NDST4: variants seen among roughly 807,000 people sequenced by gnomAD.
NDST4 encodes N-heparan sulfate sulfotransferase 4.
In NDST4, 63 loss-of-function variants were observed where a neutral mutation model predicts 100.8. The ratio of observed to expected loss-of-function variants is 0.62; its 90% CI spans 0.51 to 0.77. NDST4 has a LOEUF of 0.77. Ranked by LOEUF, NDST4 falls within the 30% of genes least tolerant of loss-of-function variation. The probability of loss-of-function intolerance (pLI) is 0.00; values close to 1 mark genes in which losing one functional copy is unlikely to be tolerated. For missense variants in NDST4, 943 were observed against 1,018.4 expected, an observed-to-expected ratio of 0.93 and a Z score of 1.01; for synonymous variants, 377 against 361.8, an observed-to-expected ratio of 1.04 and a Z score of -0.48.
rs938283148 is a variant in NDST4 at position 114,845,679 on chromosome 4, T to C, written c.2115+144A>G. ...ACGAGTTAAATATACAGCTCATATT[T>C]CTCATATTTTTTGGTGGGGGTTGTG... On this transcript the variant is annotated intron_variant, in intron 10 of 13. Coordinates refer to ENST00000264363, the MANE Select transcript of NDST4 (RefSeq NM_022569.3). The C allele has an allele frequency of 3.2e-5, 20 of 632,898 alleles. No homozygotes were observed. The African/African-American group carries it at 3.7e-4, about 12-fold the overall frequency. 39.2% of individuals were successfully genotyped at this position (632,898 alleles called of 1,614,324 possible).
At chr4:114,913,975 C>T (rs1725116046) in intron 6 of NDST4, among the ~76,000 whole-genome samples, 2 of 152,000 alleles carry the variant, frequency 1.3e-5, no homozygotes, top group Admixed American at 1.3e-4. Context: ...AATCTCCTTT[C>T]AAACAACAAA....
chr4:114,901,468 T>G (rs541190809), intron 6 of NDST4, among the ~76,000 whole-genome samples: 1 of 152,196 alleles, frequency 6.6e-6, no homozygotes, highest in Non-Finnish European at 1.5e-5. Flanking sequence ...TTTTGACTAG[T>G]GTTAGAATGA....
chr4:114,987,709 A>C (rs747976209), intron 2 of NDST4, among the ~76,000 whole-genome samples: 2 of 152,236 alleles, frequency 1.3e-5, no homozygotes, highest in African/African-American at 4.8e-5. Flanking sequence ...GTCTCAACCC[A>C]CATTAACATA....
chr4:114,927,970 T>A (rs1246680165), intron 6 of NDST4, among the ~76,000 whole-genome samples: 1 of 152,168 alleles, frequency 6.6e-6, no homozygotes, highest in East Asian at 1.9e-4. Context: ...TTCATGGATG[T>A]TGAACACTTC....
chr4:114,863,448 G>A lies in NDST4; in HGVS notation c.1719+7320C>T, dbSNP rs369078197. ...TTGACAATGATTATGAAGGGTAAAG[G>A]ATCTTCCCTCCAAAAAAGCTAAGCA... On this transcript the variant is annotated intron_variant, in intron 7 of 13. Transcript: ENST00000264363. 3.9e-5 allele frequency among the ~76,000 whole-genome samples: 6 copies of A among 152,212 alleles called. No homozygotes were observed. The East Asian group carries it at 7.7e-4, about 20-fold the overall frequency.
At chr4:115,106,767 C>T (rs1048324314) in intron 1 of NDST4, among the ~76,000 whole-genome samples, 3 of 152,004 alleles carry the variant, frequency 2.0e-5, no homozygotes, top group African/African-American at 7.2e-5. Flanking sequence ...TCCATCATTC[C>T]AGCCAACTGG....
At position 115,113,286 on chromosome 4, in the gene NDST4, G is replaced by A. The variant is rs1351387279; in HGVS notation, c.-247+158C>T. ...TGATGACAGGTAAGCACACACATGC[G>A]GAAAAGGGAGATTGAATTTGGTTTT... On this transcript the variant is annotated intron_variant, in intron 1 of 13. Transcript: ENST00000264363. 2.0e-5 allele frequency among the ~76,000 whole-genome samples: 3 copies of A among 151,776 alleles called. No homozygotes were observed. The South Asian group carries it at 6.2e-4, about 31-fold the overall frequency.
intron 4 of NDST4, among the ~76,000 whole-genome samples, chr4:114,963,426 G>A (rs1258016340): frequency 6.6e-6 from 1 of 152,164 alleles, no homozygotes; most frequent in African/African-American, 2.4e-5. Context: ...CTTAGGTTGA[G>A]GGAGTGGGGA....
chr4:114,904,758 C>T (rs902143919), intron 6 of NDST4, among the ~76,000 whole-genome samples: 1 of 151,678 alleles, frequency 6.6e-6, no homozygotes. Flanking sequence ...ATTAAATATA[C>T]ACAAATCCAA....
chr4:114,988,517 A>G (rs904236098), intron 2 of NDST4, among the ~76,000 whole-genome samples: 8 of 151,178 alleles, frequency 5.3e-5, no homozygotes, highest in African/African-American at 1.9e-4. Context: ...GCCCGCCACC[A>G]CGCCTGGCTA....
chr4:114,851,617 A>T (rs946732159), intron 8 of NDST4, among the ~76,000 whole-genome samples: 1 of 152,206 alleles, frequency 6.6e-6, no homozygotes, highest in Non-Finnish European at 1.5e-5. Flanking sequence ...TTTTTAACAC[A>T]ATTTTACAAC....
intron 2 of NDST4, among the ~76,000 whole-genome samples, chr4:115,002,813 G>T (rs1727324068): frequency 6.6e-6 from 1 of 152,090 alleles, no homozygotes; most frequent in South Asian, 2.1e-4. Flanking sequence ...CAATAGCGAA[G>T]ACTTGGAACC....
chr4:115,110,942 C>T (rs916338202), intron 1 of NDST4, among the ~76,000 whole-genome samples: 1 of 152,050 alleles, frequency 6.6e-6, no homozygotes, highest in African/African-American at 2.4e-5. Flanking sequence ...TCTGTCTTGG[C>T]TTCCAGCCAG....
chr4:114,858,934 G>C (rs567006022), intron 7 of NDST4, among the ~76,000 whole-genome samples: 54 of 152,090 alleles, frequency 3.6e-4, no homozygotes, highest in Non-Finnish European at 6.0e-4. Context: ...TCCTGGTAGG[G>C]GTAATTGACC....
At chr4:114,845,664 T>C (rs145578814) in intron 10 of NDST4, among the ~76,000 whole-genome samples, 159 bp downstream of exon 10, 2 of 152,348 alleles carry the variant, frequency 1.3e-5, no homozygotes, top group Admixed American at 1.3e-4. Flanking sequence ...ACGAGTTAAA[T>C]ATACAGCTCA....
At chr4:114,949,991 T>A (rs758603512) in intron 4 of NDST4, among the ~76,000 whole-genome samples, 1 of 152,012 alleles carries the variant, frequency 6.6e-6, no homozygotes, top group Non-Finnish European at 1.5e-5. Context: ...GAATACTGAT[T>A]TAGAAGATTA....
At chr4:115,059,062 C>T (rs1728762234) in intron 2 of NDST4, among the ~76,000 whole-genome samples, 1 of 151,854 alleles carries the variant, frequency 6.6e-6, no homozygotes, top group Non-Finnish European at 1.5e-5. Context: ...TCTATTATCA[C>T]ATAGCACTGA....
chr4:114,911,765 T>G (rs1449981652), intron 6 of NDST4, among the ~76,000 whole-genome samples: 1 of 152,180 alleles, frequency 6.6e-6, no homozygotes, highest in Non-Finnish European at 1.5e-5. Flanking sequence ...TAAGTGACAA[T>G]TTTAGAACAA....
rs776339625 is a variant in NDST4, at chr4:114,970,411, C to T, written c.1221+19G>A. ...TCACAACTTATAGTTCAAAAGATAC[C>T]ACAATAAAATGTGCTCACCAGTGCA... On this transcript the variant is annotated intron_variant, in intron 4 of 13. Coordinates refer to ENST00000264363, the MANE Select transcript of NDST4 (RefSeq NM_022569.3). The T allele has an allele frequency of 6.3e-7, 1 of 1,597,690 alleles. No individual in the cohort carries two copies. Among genetic ancestry groups the T allele is most frequent in the East Asian group, 2.2e-5 (1 of 44,528 alleles).
Sources: gnomAD v4.1 joint callset for allele counts (sites outside exome capture counted in the v4.1 genomes callset) on GRCh38, gnomAD v4.1.1 for gene constraint, MANE v1.5 for transcripts, NCBI Gene and HGNC (gene_info 2026-07-23, HGNC 2026-07-21) for gene names.